Variants in DPYSL3 observed in about 807,000 individuals in gnomAD.
DPYSL3 encodes dihydropyrimidinase-related protein 3.
In DPYSL3, 16 loss-of-function variants were observed where a neutral mutation model predicts 66.1. The observed-to-expected ratio is 0.24, with a 90% confidence interval of 0.16 to 0.37. The LOEUF (loss-of-function observed/expected upper bound fraction) is 0.37, where lower values mean the gene tolerates loss of function less well. Among genes scored for constraint, DPYSL3 ranks in the 10% least tolerant of loss-of-function variants. DPYSL3 has a pLI of 1.00. For synonymous variants in DPYSL3, 338 were observed against 345.1 expected, an observed-to-expected ratio of 0.98 and a Z score of 0.23; for missense variants, 738 against 916.2, an observed-to-expected ratio of 0.81 and a Z score of 2.51.
intron 1 of DPYSL3, among the ~76,000 whole-genome samples, chr5:147,455,614 G>A (rs1229031139): frequency 6.6e-6 from 1 of 152,152 alleles, no homozygotes; most frequent in African/African-American, 2.4e-5. Context: ...CAGAGTAAAA[G>A]GAGAATTAAC....
At chr5:147,477,070 A>C (rs1206303096) in intron 1 of DPYSL3, among the ~76,000 whole-genome samples, 1 of 152,224 alleles carries the variant, frequency 6.6e-6, no homozygotes, top group African/African-American at 2.4e-5. Flanking sequence ...ATGAAATAAA[A>C]CAATTACATA....
At chr5:147,456,576 A>G (rs1367010586) in intron 1 of DPYSL3, among the ~76,000 whole-genome samples, 2 of 134,794 alleles carry the variant, frequency 1.5e-5, no homozygotes, top group East Asian at 4.9e-4. Context: ...AATGCTACTG[A>G]TTCTATTTTT....
At chr5:147,403,917 T>C (rs1758264056) in intron 8 of DPYSL3, among the ~76,000 whole-genome samples, 1 of 152,132 alleles carries the variant, frequency 6.6e-6, no homozygotes, top group South Asian at 2.1e-4. Context: ...GGGTTAGGAA[T>C]TTTTGTCCAT....
chr5:147,410,151 G>C lies in DPYSL3; in HGVS notation c.964-1355C>G, dbSNP rs17106679. Reference sequence around the variant, plus strand: ...CTCTAAATTGCCTCCAGTCACACAAGGGTTAAGGTCTCCAACTAAAGAATC... The same window carrying C: ...CTCTAAATTGCCTCCAGTCACACAACGGTTAAGGTCTCCAACTAAAGAATC... On this transcript the variant is annotated intron_variant, in intron 6 of 13. Coordinates refer to ENST00000343218, the MANE Select transcript of DPYSL3 (RefSeq NM_001197294.2). Among the ~76,000 whole-genome samples, 2,101 of 152,170 alleles carry C rather than the reference G, an allele frequency of 0.014. 130 individuals carry two copies. The East Asian group carries it at 0.19, about 14-fold the overall frequency.
At chr5:147,398,998 C>T (rs1758081963) in intron 11 of DPYSL3, 84 bp downstream of exon 11, 2 of 1,530,784 alleles carry the variant, frequency 1.3e-6, no homozygotes, top group Non-Finnish European at 1.8e-6. Context: ...ACTACCCTGG[C>T]ACACCACATA....
At chr5:147,402,746 G>C (rs529945388) in intron 8 of DPYSL3, among the ~76,000 whole-genome samples, 104 of 152,160 alleles carry the variant, frequency 6.8e-4, no homozygotes, top group African/African-American at 2.4e-3. Context: ...CTAGCTTCTT[G>C]GATTCTGCCT....
At chr5:147,396,954 G>A (rs944014403) in intron 12 of DPYSL3, among the ~76,000 whole-genome samples, 16 of 110,922 alleles carry the variant, frequency 1.4e-4, no homozygotes, top group Non-Finnish European at 2.3e-4. Flanking sequence ...TTATTTATAC[G>A]CATTTTTGTT....
intron 3 of DPYSL3, among the ~76,000 whole-genome samples, chr5:147,418,076 C>G (rs750180770): frequency 9.2e-5 from 14 of 152,236 alleles, no homozygotes; most frequent in Non-Finnish European, 2.1e-4. Context: ...CCTCCTTTCT[C>G]AGACCCAAGT....
intron 1 of DPYSL3, among the ~76,000 whole-genome samples, chr5:147,440,919 A>T (rs536053378): frequency 3.2e-4 from 48 of 152,208 alleles, no homozygotes; most frequent in African/African-American, 1.1e-3. Context: ...GTTAATAATG[A>T]TGTAACTTGA....
chr5:147,393,812 G>T lies in DPYSL3; in HGVS notation c.*223C>A. 1 of 559,524 alleles carries T rather than the reference G, an allele frequency of 1.8e-6. No individual in the cohort carries two copies. Among genetic ancestry groups the T allele is most frequent in the African/African-American group, 1.9e-5 (1 of 53,048 alleles). The allele number at this position is 559,524 out of a possible 1,614,324, so 34.7% of individuals were successfully genotyped here. ...CTGATTGCATGCATGTAAATGGGGG[G>T]AGGGGAGTCAAACAAATCAAGGCTA... On this transcript the variant is annotated 3_prime_UTR_variant, in exon 14 of 14. Transcript: ENST00000343218.
At chr5:147,492,588 A>G (rs751940313) in intron 1 of DPYSL3, among the ~76,000 whole-genome samples, 3 of 151,934 alleles carry the variant, frequency 2.0e-5, no homozygotes, top group Non-Finnish European at 2.9e-5. Flanking sequence ...AAAATAATAC[A>G]GCACTATTTG....
chr5:147,401,533 C>T lies in DPYSL3; in HGVS notation c.1310+7G>A. On this transcript the variant is annotated splice_region_variant and intron_variant, in intron 9 of 13. Transcript: ENST00000343218. ...AAACGCCTGCTGCTGGGCATTCCTG[C>T]ACCAACCTGGCCAGCAAGGAGTTGA... 1 of 1,609,356 alleles carries T rather than the reference C, an allele frequency of 6.2e-7. No individual in the cohort carries two copies. Among genetic ancestry groups the T allele is most frequent in the Non-Finnish European group, 8.5e-7 (1 of 1,177,638 alleles).
intron 1 of DPYSL3, among the ~76,000 whole-genome samples, chr5:147,494,798 G>C (rs2126451580): frequency 6.6e-6 from 1 of 150,662 alleles, no homozygotes; most frequent in Non-Finnish European, 1.5e-5. Flanking sequence ...AGAATGGCAT[G>C]AACCCGGGAG....
intron 1 of DPYSL3, among the ~76,000 whole-genome samples, chr5:147,494,103 GAATT>G (rs1332237542): frequency 6.6e-6 from 1 of 152,100 alleles, no homozygotes; most frequent in Non-Finnish European, 1.5e-5. Flanking sequence ...TGAGGCAGAA[GAATT>G]GCTTGAACCC....
At chr5:147,484,267 A>G (rs1753293993) in intron 1 of DPYSL3, among the ~76,000 whole-genome samples, 1 of 152,084 alleles carries the variant, frequency 6.6e-6, no homozygotes, top group Admixed American at 6.5e-5. Context: ...TCACCAAATG[A>G]TTTATGTCTC....
chr5:147,452,922 C>CAT (rs1482909397), intron 1 of DPYSL3, among the ~76,000 whole-genome samples: 42 of 137,648 alleles, frequency 3.1e-4, no homozygotes, highest in East Asian at 2.6e-3. Flanking sequence ...CACACACACA[C>CAT]ACACATAAAG....
intron 1 of DPYSL3, among the ~76,000 whole-genome samples, chr5:147,493,533 T>G (rs1753448218): frequency 6.6e-6 from 1 of 151,590 alleles, no homozygotes; most frequent in South Asian, 2.1e-4. Context: ...ATGATCATGC[T>G]ACTGCACTCC....
intron 1 of DPYSL3, among the ~76,000 whole-genome samples, chr5:147,434,372 C>T (rs1475317612): frequency 3.3e-5 from 5 of 152,128 alleles, no homozygotes; most frequent in Admixed American, 6.5e-5. Flanking sequence ...CTCAAATACA[C>T]GTGCCATGGG....
At chr5:147,446,977 A>G (rs1398883154) in intron 1 of DPYSL3, among the ~76,000 whole-genome samples, 1 of 152,214 alleles carries the variant, frequency 6.6e-6, no homozygotes, top group South Asian at 2.1e-4. Flanking sequence ...TTTCTTGCCT[A>G]TGAAACGAAT....
Sources: allele counts gnomAD v4.1 joint callset (sites outside exome capture counted in the v4.1 genomes callset), GRCh38; gene constraint gnomAD v4.1.1; transcripts MANE v1.5; gene names NCBI Gene and HGNC (gene_info 2026-07-23, HGNC 2026-07-21).